CSMD1: variants seen among roughly 807,000 people sequenced by gnomAD.
CSMD1 encodes the protein CUB and sushi domain-containing protein 1.
A neutral mutation model predicts 417.5 loss-of-function variants in CSMD1; 213 were observed. That is an observed-to-expected ratio of 0.51 (90% CI 0.46 to 0.57). The LOEUF is 0.57. Among genes scored for constraint, CSMD1 ranks in the 20% least tolerant of loss-of-function variants. The pLI is 0.00. For missense variants in CSMD1, 6,923 were observed against 4,529.7 expected (o/e 1.53, Z -15.17); for synonymous variants, 2,862 against 1,736.8 (o/e 1.65, Z -16.11).
At chr8:3,537,424 G>A (rs1354944061) in intron 10 of CSMD1, among the ~76,000 whole-genome samples, 1 of 152,178 alleles carries the variant, frequency 6.6e-6, no homozygotes, top group Non-Finnish European at 1.5e-5. Context: ...TACACCTGTT[G>A]CATTCCAAAA....
chr8:3,935,463 G>A (rs1453111449), intron 5 of CSMD1, among the ~76,000 whole-genome samples: 2 of 152,126 alleles, frequency 1.3e-5, no homozygotes, highest in African/African-American at 4.8e-5. Flanking sequence ...ACATTAAACA[G>A]GTCTATTGGT....
rs145677565 is a variant in CSMD1 at position 3,167,920 on chromosome 8, C to T, written c.5726-5643G>A. Among the ~76,000 whole-genome samples the T allele has an allele frequency of 5.1e-3, 771 of 152,212 alleles. 10 individuals are homozygous for T. Among genetic ancestry groups the T allele is most frequent in the African/African-American group, 0.018 (735 of 41,534 alleles). ...AAATGATTTTAGAACACATGATAAA[C>T]ATGCAATTTTAATCAAATACTTAAA... On this transcript the variant is annotated intron_variant, in intron 37 of 69. Transcript: ENST00000635120.
chr8:4,330,123 A>G (rs1208957074), intron 3 of CSMD1, among the ~76,000 whole-genome samples: 1 of 151,892 alleles, frequency 6.6e-6, no homozygotes, highest in East Asian at 1.9e-4. Flanking sequence ...ATTTGACTAC[A>G]TTTAAGACTT....
intron 1 of CSMD1, among the ~76,000 whole-genome samples, chr8:4,736,053 C>T (rs1810212384): frequency 6.6e-6 from 1 of 152,096 alleles, no homozygotes; most frequent in African/African-American, 2.4e-5. Context: ...ATTTGTATTG[C>T]CCTGTGTTAG....
intron 11 of CSMD1, among the ~76,000 whole-genome samples, chr8:3,482,891 G>A (rs933889934): frequency 2.6e-5 from 4 of 152,028 alleles, no homozygotes; most frequent in African/African-American, 9.7e-5. Flanking sequence ...ATGATTCAAA[G>A]GGAAAGTCTC....
chr8:3,640,951 CA>C (rs1797276150), intron 7 of CSMD1, among the ~76,000 whole-genome samples: 2 of 146,092 alleles, frequency 1.4e-5, no homozygotes, highest in East Asian at 4.2e-4. Context: ...CAAAAGGCGA[CA>C]AAATCGTATG....
At chr8:4,025,302 G>T (rs1157765614) in intron 4 of CSMD1, among the ~76,000 whole-genome samples, 1 of 152,106 alleles carries the variant, frequency 6.6e-6, no homozygotes, top group Non-Finnish European at 1.5e-5. Flanking sequence ...TCCACACAGT[G>T]GACCATCTTT....
chr8:4,832,039 G>A (rs769400507), intron 1 of CSMD1, among the ~76,000 whole-genome samples: 19 of 152,202 alleles, frequency 1.2e-4, no homozygotes, highest in Non-Finnish European at 2.2e-4. Context: ...AATGCCACAT[G>A]TTACCTTACA....
At chr8:4,625,763 G>A (rs879738713) in intron 2 of CSMD1, among the ~76,000 whole-genome samples, 27 of 151,994 alleles carry the variant, frequency 1.8e-4, no homozygotes, top group Admixed American at 6.6e-4. Flanking sequence ...TGGTTCTGTC[G>A]CCCAGGTTGG....
At chr8:3,823,637 T>C (rs73658294) in intron 5 of CSMD1, among the ~76,000 whole-genome samples, 3,850 of 152,250 alleles carry the variant, frequency 0.025, 167 homozygotes, top group African/African-American at 0.087. Context: ...ATAAAAATAA[T>C]GTATAACAAT....
At chr8:3,450,934 G>C (rs1305045336) in intron 12 of CSMD1, among the ~76,000 whole-genome samples, 1 of 152,074 alleles carries the variant, frequency 6.6e-6, no homozygotes, top group Non-Finnish European at 1.5e-5. Context: ...CTCACCAACA[G>C]TGTAAAAGTG....
chr8:3,439,309 A>ATATATATATCTT, intron 12 of CSMD1, among the ~76,000 whole-genome samples: 1 of 62,482 alleles, frequency 1.6e-5, no homozygotes, highest in Non-Finnish European at 2.9e-5. Context: ...ATATATATAT[A>ATATATATATCTT]TTTTTTTTTT....
Position 4,170,207 on chromosome 8 carries a change from G to A in CSMD1, c.416-138108C>T, listed in dbSNP as rs112688296. On this transcript the variant is annotated intron_variant, in intron 3 of 69. Transcript: ENST00000635120. ...CACAGTCCACGCGTTTCTCTCTGCA[G>A]AACTAGCTGTTATCTCTTCTCTTTC... Among the ~76,000 whole-genome samples, 4 of 151,912 alleles carry A rather than the reference G, an allele frequency of 2.6e-5. 1 individual carries two copies. Among genetic ancestry groups the A allele is most frequent in the East Asian group, 1.9e-4 (1 of 5,168 alleles).
chr8:3,814,105 G>C (rs1322442040), intron 5 of CSMD1, among the ~76,000 whole-genome samples: 1 of 152,184 alleles, frequency 6.6e-6, no homozygotes. Context: ...CTTGAGATCA[G>C]AACCCATGTT....
At position 4,971,833 on chromosome 8, in the gene CSMD1, C is replaced by T. The variant is rs117657378; in HGVS notation, c.85+22499G>A. 5.9e-3 allele frequency among the ~76,000 whole-genome samples: 898 copies of T among 151,964 alleles called. 37 individuals carry two copies. The highest frequency in any genetic ancestry group is 0.054 in the Admixed American group (820 of 15,232). On this transcript the variant is annotated intron_variant, in intron 1 of 69. Transcript: ENST00000635120. ...AGAATTTAAAGATAAGTTGATTTGT[C>T]TCATTAATTTTAATTCAGGAAGAAA...
intron 3 of CSMD1, among the ~76,000 whole-genome samples, chr8:4,250,091 C>T (rs1465887141): frequency 6.6e-6 from 1 of 152,134 alleles, no homozygotes; most frequent in Non-Finnish European, 1.5e-5. Flanking sequence ...GCCCTTCTGC[C>T]ATGGGATGAC....
chr8:4,960,255 G>T, intron 1 of CSMD1, among the ~76,000 whole-genome samples: 1 of 152,238 alleles, frequency 6.6e-6, no homozygotes, highest in East Asian at 1.9e-4. Flanking sequence ...GAAGGAAATG[G>T]AAAAGATAAA....
At chr8:3,924,339 C>T (rs976554348) in intron 5 of CSMD1, among the ~76,000 whole-genome samples, 1 of 152,148 alleles carries the variant, frequency 6.6e-6, no homozygotes, top group East Asian at 1.9e-4. Flanking sequence ...TTTAAAGTGT[C>T]TCAATGAGAA....
At chr8:3,513,308 G>C (rs1797155301) in intron 10 of CSMD1, among the ~76,000 whole-genome samples, 1 of 151,166 alleles carries the variant, frequency 6.6e-6, no homozygotes, top group South Asian at 2.1e-4. Context: ...AAATCCATAG[G>C]TAAGTCCTGG....
Sources: gnomAD v4.1 joint callset for allele counts (sites outside exome capture counted in the v4.1 genomes callset) on GRCh38, gnomAD v4.1.1 for gene constraint, MANE v1.5 for transcripts, NCBI Gene and HGNC (gene_info 2026-07-23, HGNC 2026-07-21) for gene names.